ANKRD62: variants seen among roughly 807,000 people sequenced by gnomAD.
ANKRD62 encodes ankyrin repeat domain 62.
Under a neutral mutation model 98.8 loss-of-function variants are expected in ANKRD62, and 61 were observed. The ratio of observed to expected loss-of-function variants is 0.62; its 90% CI spans 0.50 to 0.76. The LOEUF is 0.76. Ranked by LOEUF, ANKRD62 falls within the 30% of genes least tolerant of loss-of-function variation. The pLI is 0.00. For missense variants in ANKRD62, 933 were observed against 1,082.9 expected, an observed-to-expected ratio of 0.86 and a Z score of 1.94; for synonymous variants, 341 against 367.9, an observed-to-expected ratio of 0.93 and a Z score of 0.84.
chr18:12,119,963 G>T (rs1909750767), intron 10 of ANKRD62, among the ~76,000 whole-genome samples: 1 of 151,944 alleles, frequency 6.6e-6, no homozygotes, highest in Non-Finnish European at 1.5e-5. Context: ...TTATTTAGAT[G>T]TGTGTTTCTT....
rs1428481862 is a variant in ANKRD62, at chr18:12,094,168, G to A, written c.151G>A (p.Val51Met). Residue 51 changes from valine (V) to methionine (M), a missense_variant, in exon 1 of 14, where the codon GTG becomes ATG. Transcript: ENST00000587848. ...CCACAAAGCTGCCATCGCAGGTGAT[G>A]TGAACAAGGTGATGGAGAGCATCTT... The part of the protein sequence containing the change: ...MIHKAAIAGD[V>M]NKVMESILLR... The A allele has an allele frequency of 7.2e-6, 11 of 1,532,678 alleles. No homozygotes were observed. The highest frequency in any genetic ancestry group is 4.0e-5 in the Admixed American group (2 of 50,612). 94.9% of individuals were successfully genotyped at this position (1,532,678 alleles called of 1,614,324 possible).
chr18:12,122,492 G>A lies in ANKRD62; in HGVS notation c.1430G>A (p.Gly477Glu). ...CAGTCAGAGCATCAGAATCTTCAAGGGAAAAAAAAGCTCTGTAATTTGAGG... is the reference window on the plus strand; with the variant it reads ...CAGTCAGAGCATCAGAATCTTCAAGAGAAAAAAAAGCTCTGTAATTTGAGG... ...KSQSEHQNLQ[G>E]KKKLCNLRFI... is the part of the protein sequence containing the mutation. Residue 477 changes from glycine (G) to glutamate (E), a missense_variant, in exon 11 of 14, where the codon GGG becomes GAG. Gly to Glu is a moderately conservative substitution (Grantham distance 98, BLOSUM62 -2). Around this residue, in one of 3 missense-constraint regions of ANKRD62, gnomAD observed 549 missense variants for 587.9 expected, o/e 0.93. Coordinates refer to ENST00000587848, the MANE Select transcript of ANKRD62 (RefSeq NM_001277333.2). 1 of 1,520,510 alleles carries A rather than the reference G, an allele frequency of 6.6e-7. No individual in the cohort carries two copies. The highest frequency in any genetic ancestry group is 2.5e-5 in the East Asian group (1 of 40,718). 94.2% of individuals were successfully genotyped at this position (1,520,510 alleles called of 1,614,324 possible). A position where few individuals can be genotyped will look rare whatever the true frequency, so the allele number is the denominator to read the frequency against.
chr18:12,110,044 G>A, intron 8 of ANKRD62, among the ~76,000 whole-genome samples: 1 of 151,532 alleles, frequency 6.6e-6, no homozygotes, highest in East Asian at 1.9e-4. Context: ...AAACCAAGGT[G>A]CTGCCAATGC....
chr18:12,178,407 A>G, the ANKRD62 span, among the ~76,000 whole-genome samples: 11 of 144,746 alleles, frequency 7.6e-5, no homozygotes, highest in Admixed American at 5.5e-4. Flanking sequence ...TCTAAGATCA[A>G]CGGGAAACCA....
rs151178493 is a variant in ANKRD62, at chr18:12,127,609, A to T, written c.2563-139A>T. 9.9e-4 allele frequency: 537 copies of T among 541,460 alleles called. 1 individual carries two copies. Among genetic ancestry groups the T allele is most frequent in the Non-Finnish European group, 1.3e-3 (462 of 348,464 alleles). 33.5% of individuals were successfully genotyped at this position (541,460 alleles called of 1,614,324 possible). On this transcript the variant is annotated intron_variant, in intron 13 of 13. Coordinates refer to ENST00000587848, the MANE Select transcript of ANKRD62 (RefSeq NM_001277333.2). ...TAACTGGATTCAGTAATAAACAGGA[A>T]TGTGTACACATGAGGAGGAGAAGAA...
chr18:12,109,876 T>C (rs1260208948), intron 8 of ANKRD62, among the ~76,000 whole-genome samples: 1 of 146,482 alleles, frequency 6.8e-6, no homozygotes, highest in Non-Finnish European at 1.5e-5. Context: ...TGTCACTCGA[T>C]AAATGAATTA....
the ANKRD62 span, among the ~76,000 whole-genome samples, chr18:12,164,327 T>G: frequency 6.6e-6 from 1 of 152,086 alleles, no homozygotes; most frequent in Admixed American, 6.6e-5. Flanking sequence ...TAAGTTTCTG[T>G]AGTATTAGTT....
At position 12,128,495 on chromosome 18, in the gene ANKRD62, A is replaced by C. The variant is rs1306363623; in HGVS notation, c.*556A>C. ...TCTCTTGCTTAAAACAAAAACAAAA[A>C]ACTTTACAAATGGGGTTATAGAAGG... On this transcript the variant is annotated 3_prime_UTR_variant, in exon 14 of 14. Coordinates refer to ENST00000587848, the MANE Select transcript of ANKRD62 (RefSeq NM_001277333.2). 1 of 152,220 alleles carries C rather than the reference A, an allele frequency of 6.6e-6. No homozygotes were observed. The highest frequency in any genetic ancestry group is 1.9e-4 in the East Asian group (1 of 5,196). 9.4% of individuals were successfully genotyped at this position (152,220 alleles called of 1,614,324 possible). A position where few individuals can be genotyped will look rare whatever the true frequency, so the allele number is the denominator to read the frequency against.
chr18:12,113,287 A>G (rs1909588176), intron 8 of ANKRD62, among the ~76,000 whole-genome samples: 2 of 152,210 alleles, frequency 1.3e-5, no homozygotes, highest in Non-Finnish European at 2.9e-5. Context: ...AATGCAAATC[A>G]TAACCCCTAT....
At chr18:12,123,174 A>G (rs1470924853) in intron 11 of ANKRD62, among the ~76,000 whole-genome samples, 2 of 151,472 alleles carry the variant, frequency 1.3e-5, no homozygotes, top group East Asian at 1.9e-4. Flanking sequence ...CAGCCTCCCA[A>G]GTAGCTGGGA....
At chr18:12,145,155 G>C in the ANKRD62 span, among the ~76,000 whole-genome samples, 3 of 144,360 alleles carry the variant, frequency 2.1e-5, no homozygotes, top group Non-Finnish European at 4.7e-5. Context: ...CTGTGCTGGG[G>C]GACCACTTCT....
the ANKRD62 span, among the ~76,000 whole-genome samples, chr18:12,181,560 G>A: frequency 1.3e-5 from 2 of 152,058 alleles, no homozygotes; most frequent in African/African-American, 4.8e-5. Flanking sequence ...AACTATAAAG[G>A]TACACAATTG....
the ANKRD62 span, among the ~76,000 whole-genome samples, chr18:12,165,203 C>T: frequency 6.6e-6 from 1 of 151,902 alleles, no homozygotes; most frequent in African/African-American, 2.4e-5. Flanking sequence ...CAACAGATCA[C>T]TGGGTCTTGC....
intron 10 of ANKRD62, 31 bp downstream of exon 10, chr18:12,115,565 T>G (rs1568063120): frequency 6.6e-7 from 1 of 1,519,326 alleles, no homozygotes; most frequent in Admixed American, 2.0e-5. Context: ...TAAGGCTCTT[T>G]CCCTATCCTA....
chr18:12,160,167 A>C, the ANKRD62 span, among the ~76,000 whole-genome samples: 1 of 152,160 alleles, frequency 6.6e-6, no homozygotes, highest in South Asian at 2.1e-4. Context: ...TCTGGGGTAC[A>C]AATCATAGGG....
chr18:12,154,265 C>A, the ANKRD62 span, among the ~76,000 whole-genome samples: 1 of 152,104 alleles, frequency 6.6e-6, no homozygotes, highest in African/African-American at 2.4e-5. Context: ...AGAGAACAAG[C>A]CCATTAAAAA....
chr18:12,146,139 C>T, the ANKRD62 span, among the ~76,000 whole-genome samples: 10 of 151,378 alleles, frequency 6.6e-5, no homozygotes, highest in East Asian at 7.9e-4. Flanking sequence ...CAGCGCAGCA[C>T]GGCTGTTCTA....
chr18:12,163,251 T>G, the ANKRD62 span, among the ~76,000 whole-genome samples: 2 of 152,092 alleles, frequency 1.3e-5, no homozygotes, highest in African/African-American at 4.8e-5. Flanking sequence ...GTATGTAATT[T>G]TATTTGTGGC....
At chr18:12,172,889 G>A in the ANKRD62 span, among the ~76,000 whole-genome samples, 6 of 152,222 alleles carry the variant, frequency 3.9e-5, no homozygotes, top group Non-Finnish European at 7.3e-5. Context: ...GGCTCCATGG[G>A]CGTGGGACCC....
Sources: gnomAD v4.1 joint callset for allele counts (sites outside exome capture counted in the v4.1 genomes callset) on GRCh38, gnomAD v4.1.1 for gene constraint, gnomAD v4.1.1 regional missense constraint, MANE v1.5 for transcripts, NCBI Gene and HGNC (gene_info 2026-07-23, HGNC 2026-07-21) for gene names.